PDE1A: variants seen among roughly 807,000 people sequenced by gnomAD.
The protein encoded by PDE1A is phosphodiesterase 1A.
A neutral mutation model predicts 61.7 loss-of-function variants in PDE1A; 35 were observed. The observed-to-expected ratio is 0.57, with a 90% confidence interval of 0.43 to 0.75. PDE1A has a LOEUF of 0.75. Ranked by LOEUF, PDE1A falls within the 30% of genes least tolerant of loss-of-function variation. The probability of loss-of-function intolerance (pLI) is 0.00; values close to 1 mark genes in which losing one functional copy is unlikely to be tolerated. For synonymous variants in PDE1A, 232 were observed against 213.2 expected (o/e 1.09, Z -0.77); for missense variants, 597 against 630.6 (o/e 0.95, Z 0.57).
At chr2:182,151,761 T>G (rs143309034) in intron 13 of PDE1A, among the ~76,000 whole-genome samples, 1,820 of 152,320 alleles carry the variant, frequency 0.012, 23 homozygotes, top group Non-Finnish European at 0.02. Flanking sequence ...AATCCATAAT[T>G]AAAAGATCAT....
the PDE1A span, among the ~76,000 whole-genome samples, chr2:182,679,005 C>CTTTTTTTTTTTTTTTTTTT: frequency 2.4e-5 from 3 of 127,658 alleles, no homozygotes; most frequent in Non-Finnish European, 3.2e-5. Flanking sequence ...TTTGGTTTCT[C>CTTTTTTTTTTTTTTTTTTT]TTTTTTTTTT....
intron 2 of PDE1A, among the ~76,000 whole-genome samples, chr2:182,489,829 T>C (rs930186680): frequency 2.0e-5 from 3 of 152,056 alleles, no homozygotes; most frequent in African/African-American, 7.2e-5. Context: ...TCTGGAGAGG[T>C]CCAGGCTGCA....
At chr2:182,643,350 C>T in the PDE1A span, among the ~76,000 whole-genome samples, 1 of 152,162 alleles carries the variant, frequency 6.6e-6, no homozygotes, top group Admixed American at 6.5e-5. Context: ...GCCAGGTCTG[C>T]CGCCTAGGTC....
rs200672660 is a variant in PDE1A, at chr2:182,225,087, GAA to G, written c.676-1125_676-1124del. 4.6e-3 allele frequency among the ~76,000 whole-genome samples: 692 copies of G among 152,088 alleles called. 3 individuals are homozygous for G. The highest frequency in any genetic ancestry group is 0.016 in the African/African-American group (657 of 41,552). On this transcript the variant is annotated intron_variant, in intron 6 of 13. Transcript: ENST00000351439. ...AAGATGCAATTTAAGAGCCTAGAGA[GAA>G]AGGCTAATTGGTGGCAGTAGATCTT... is the stretch of plus-strand genomic sequence containing the variant.
At chr2:182,439,387 A>G (rs1442792361) in intron 2 of PDE1A, among the ~76,000 whole-genome samples, 1 of 152,002 alleles carries the variant, frequency 6.6e-6, no homozygotes, top group Non-Finnish European at 1.5e-5. Flanking sequence ...GAACATTTAG[A>G]TTACAGAAGT....
chr2:182,415,577 T>A (rs1201554905), intron 1 of PDE1A, among the ~76,000 whole-genome samples: 1 of 152,120 alleles, frequency 6.6e-6, no homozygotes, highest in Non-Finnish European at 1.5e-5. Context: ...TAGCAACAAA[T>A]CTCTTCTGTT....
chr2:182,678,577 C>G, the PDE1A span, among the ~76,000 whole-genome samples: 5 of 152,032 alleles, frequency 3.3e-5, no homozygotes, highest in African/African-American at 1.2e-4. Flanking sequence ...AAAACAACTA[C>G]AAACAATAAG....
chr2:182,342,951 T>C (rs1357151367), intron 1 of PDE1A, among the ~76,000 whole-genome samples: 1 of 152,218 alleles, frequency 6.6e-6, no homozygotes, highest in Admixed American at 6.5e-5. Context: ...AAGGTGAATA[T>C]ACAATATGTA....
intron 2 of PDE1A, among the ~76,000 whole-genome samples, chr2:182,249,393 G>A (rs761823487): frequency 2.0e-5 from 3 of 152,164 alleles, no homozygotes; most frequent in Non-Finnish European, 4.4e-5. Flanking sequence ...TATCTGGAGG[G>A]GGAAGAGGGC....
At chr2:182,569,444 T>G in the PDE1A span, among the ~76,000 whole-genome samples, 1 of 152,114 alleles carries the variant, frequency 6.6e-6, no homozygotes, top group African/African-American at 2.4e-5. Context: ...TTCTGCTCCA[T>G]CATTCTGAGT....
chr2:182,418,566 A>G (rs1194729243), intron 1 of PDE1A, among the ~76,000 whole-genome samples: 1 of 152,186 alleles, frequency 6.6e-6, no homozygotes, highest in African/African-American at 2.4e-5. Flanking sequence ...TTTTTCTTCA[A>G]CAGCGGAATG....
the PDE1A span, among the ~76,000 whole-genome samples, chr2:182,574,514 C>T: frequency 6.6e-6 from 1 of 152,152 alleles, no homozygotes; most frequent in Admixed American, 6.5e-5. Context: ...CACCAATCCC[C>T]AACCCAAATA....
At chr2:182,711,231 G>C in the PDE1A span, among the ~76,000 whole-genome samples, 5 of 152,172 alleles carry the variant, frequency 3.3e-5, no homozygotes, top group African/African-American at 1.2e-4. Flanking sequence ...GAGCAATCCA[G>C]TATAAGGTAG....
chr2:182,468,810 GT>G (rs1453633746), intron 2 of PDE1A, among the ~76,000 whole-genome samples: 1 of 152,024 alleles, frequency 6.6e-6, no homozygotes, highest in African/African-American at 2.4e-5. Context: ...AATGGATGTT[GT>G]ATGAGCAGGC....
chr2:182,628,151 A>G, the PDE1A span, among the ~76,000 whole-genome samples: 1 of 152,118 alleles, frequency 6.6e-6, no homozygotes, highest in African/African-American at 2.4e-5. Context: ...GACTTTGCTT[A>G]TCCTTACTTG....
At chr2:182,198,264 A>G (rs1182923677) in intron 10 of PDE1A, among the ~76,000 whole-genome samples, 1 of 151,946 alleles carries the variant, frequency 6.6e-6, no homozygotes, top group East Asian at 1.9e-4. Flanking sequence ...TCTAGTAAGT[A>G]GCCTTTTGTA....
chr2:182,635,700 C>CTCT, the PDE1A span, among the ~76,000 whole-genome samples: 1 of 149,876 alleles, frequency 6.7e-6, no homozygotes, highest in Non-Finnish European at 1.5e-5. Context: ...CTCTCTCTCT[C>CTCT]CACATATGTG....
intron 2 of PDE1A, among the ~76,000 whole-genome samples, chr2:182,500,331 G>A (rs1689013262): frequency 6.6e-6 from 1 of 152,142 alleles, no homozygotes; most frequent in Admixed American, 6.5e-5. Context: ...TCAGTCAGGA[G>A]GGGGTGGCAG....
intron 1 of PDE1A, among the ~76,000 whole-genome samples, chr2:182,385,363 T>C (rs1230829467): frequency 6.6e-6 from 1 of 151,988 alleles, no homozygotes; most frequent in Non-Finnish European, 1.5e-5. Context: ...AGTAATTTGT[T>C]AAGAAATATG....
Sources: gnomAD v4.1 joint callset for allele counts (sites outside exome capture counted in the v4.1 genomes callset) on GRCh38, gnomAD v4.1.1 for gene constraint, MANE v1.5 for transcripts, NCBI Gene and HGNC (gene_info 2026-07-23, HGNC 2026-07-21) for gene names.